Variants in FER1L6 observed in about 807,000 individuals in gnomAD.
FER1L6 encodes the protein fer-1 like family member 6.
A neutral mutation model predicts 219.2 loss-of-function variants in FER1L6; 177 were observed. That is an observed-to-expected ratio of 0.81 (90% CI 0.71 to 0.91). The LOEUF (loss-of-function observed/expected upper bound fraction) is 0.91, where lower values mean the gene tolerates loss of function less well. Ranked by LOEUF, FER1L6 falls within the 40% of genes least tolerant of loss-of-function variation. The pLI is 0.00. For synonymous variants in FER1L6, 768 were observed against 824.3 expected, an observed-to-expected ratio of 0.93 and a Z score of 1.17; for missense variants, 2,153 against 2,259.9, an observed-to-expected ratio of 0.95 and a Z score of 0.96.
intron 13 of FER1L6, among the ~76,000 whole-genome samples, chr8:124,005,182 C>A (rs1481146769): frequency 6.6e-6 from 1 of 152,162 alleles, no homozygotes; most frequent in Non-Finnish European, 1.5e-5. Context: ...GCAACAACAC[C>A]TCCTACCTGG....
chr8:123,852,069 G>A lies in FER1L6; in HGVS notation c.-124G>A, dbSNP rs549954278. 11 of 152,176 alleles carry A rather than the reference G, an allele frequency of 7.2e-5. No homozygotes were observed. The highest frequency in any genetic ancestry group is 2.1e-4 in the South Asian group (1 of 4,830). 9.4% of individuals were successfully genotyped at this position (152,176 alleles called of 1,614,324 possible). On this transcript the variant is annotated 5_prime_UTR_variant, in exon 1 of 41. It adds an upstream start codon to the 5' untranslated region. Coordinates refer to ENST00000522917, the MANE Select transcript of FER1L6 (RefSeq NM_001039112.2). This position sits in a 1 kb window ranked among gnomAD's most constrained non-coding sequence, Gnocchi z 4.9. ...CTGCTTTAGAACGGTTGGGAACACC[G>A]TGAGACCAGTGAATTCCACGAGCAC...
chr8:124,093,880 A>G (rs1822161495), intron 34 of FER1L6, among the ~76,000 whole-genome samples: 2 of 152,188 alleles, frequency 1.3e-5, no homozygotes, highest in South Asian at 2.1e-4. Context: ...CAGGCATGCA[A>G]TGTATAATCA....
At chr8:123,864,141 G>C (rs1469218241) in intron 1 of FER1L6, among the ~76,000 whole-genome samples, 1 of 149,410 alleles carries the variant, frequency 6.7e-6, no homozygotes, top group Non-Finnish European at 1.5e-5. Flanking sequence ...TCCATGTTTA[G>C]CGCTTCCTTC....
At chr8:124,115,920 G>A (rs1823226759) in intron 39 of FER1L6, among the ~76,000 whole-genome samples, 1 of 152,164 alleles carries the variant, frequency 6.6e-6, no homozygotes, top group Non-Finnish European at 1.5e-5. Flanking sequence ...GCCATGCCAT[G>A]CTATGCTATA....
At chr8:123,896,845 G>T (rs764090012) in intron 1 of FER1L6, among the ~76,000 whole-genome samples, 3 of 152,008 alleles carry the variant, frequency 2.0e-5, no homozygotes, top group Non-Finnish European at 2.9e-5. Flanking sequence ...TGAACTTCAG[G>T]CTCATATATC....
chr8:124,023,778 A>T (rs181843706), intron 18 of FER1L6, among the ~76,000 whole-genome samples, 182 bp downstream of exon 18: 2 of 152,164 alleles, frequency 1.3e-5, no homozygotes, highest in Admixed American at 1.3e-4. Flanking sequence ...CTTTAGGTGG[A>T]ATTTTTTCAG....
rs1327114407 is a variant in FER1L6 at position 123,980,516 on chromosome 8, G to A, written c.1115G>A (p.Arg372Lys). ...PAWINLYGSPRNHSLMDDYQE... is the reference protein window; with the variant it reads ...PAWINLYGSPKNHSLMDDYQE... ...TGGATTAACCTGTATGGCTCGCCCA[G>A]GAACCACAGTCTGATGGATGACTAC... Residue 372 changes from arginine to lysine, a missense_variant, in exon 11 of 41, where the codon AGG becomes AAG. Transcript: ENST00000522917. The A allele has an allele frequency of 6.2e-7, 1 of 1,614,002 alleles. No individual in the cohort carries two copies. Among genetic ancestry groups the A allele is most frequent in the Non-Finnish European group, 8.5e-7 (1 of 1,180,012 alleles).
intron 1 of FER1L6, among the ~76,000 whole-genome samples, chr8:123,905,659 T>C (rs1415941677): frequency 6.6e-6 from 1 of 152,208 alleles, no homozygotes; most frequent in Non-Finnish European, 1.5e-5. Context: ...GTACTTCATC[T>C]GTCTAAACCA....
intron 11 of FER1L6, 57 bp from the exon 12 acceptor site, chr8:123,986,011 G>T: frequency 1.0e-6 from 1 of 961,572 alleles, no homozygotes. Flanking sequence ...CACAAAGTCA[G>T]CTTCCTAATG....
intron 20 of FER1L6, among the ~76,000 whole-genome samples, chr8:124,043,166 G>A (rs978091248): frequency 2.0e-5 from 3 of 152,194 alleles, no homozygotes; most frequent in African/African-American, 4.8e-5. Context: ...GGCTGGGATC[G>A]GGTAGGATGG....
chr8:123,907,049 G>C (rs918243455), intron 1 of FER1L6, among the ~76,000 whole-genome samples: 20 of 152,174 alleles, frequency 1.3e-4, no homozygotes, highest in Admixed American at 6.5e-5. Flanking sequence ...GTCTGTCACT[G>C]TTGCATGACA....
intron 1 of FER1L6, among the ~76,000 whole-genome samples, chr8:123,893,925 G>A (rs961071269): frequency 1.3e-5 from 2 of 152,128 alleles, no homozygotes; most frequent in African/African-American, 4.8e-5. Context: ...TTGATTCTTA[G>A]GTGGCCACAT....
intron 1 of FER1L6, among the ~76,000 whole-genome samples, chr8:123,927,897 G>A (rs1159633187): frequency 6.6e-6 from 1 of 152,100 alleles, no homozygotes; most frequent in Non-Finnish European, 1.5e-5. Context: ...TTTATTGTCT[G>A]GCGATTTCTT....
chr8:124,060,332 A>T (rs542221560), intron 23 of FER1L6, 42 bp downstream of exon 23: 4 of 1,583,512 alleles, frequency 2.5e-6, no homozygotes, highest in Non-Finnish European at 3.5e-6. Flanking sequence ...TTGGCACTCA[A>T]GGGCAGTGGC....
At chr8:123,865,615 G>A (rs1816822368) in intron 1 of FER1L6, among the ~76,000 whole-genome samples, 1 of 151,426 alleles carries the variant, frequency 6.6e-6, no homozygotes, top group East Asian at 1.9e-4. Context: ...TCAGACCGCT[G>A]TGCTAGCAAT....
intron 12 of FER1L6, among the ~76,000 whole-genome samples, chr8:123,994,524 C>A (rs1053985107): frequency 1.5e-4 from 23 of 152,202 alleles, no homozygotes; most frequent in Admixed American, 4.6e-4. Context: ...CGGTATTCCA[C>A]CAGCAGCAGC....
intron 1 of FER1L6, among the ~76,000 whole-genome samples, chr8:123,865,566 G>A (rs983167297): frequency 1.3e-5 from 2 of 151,396 alleles, no homozygotes; most frequent in Admixed American, 1.3e-4. Flanking sequence ...AATGGCGGGC[G>A]CCCCTCCCCC....
intron 2 of FER1L6, among the ~76,000 whole-genome samples, chr8:123,961,020 G>T (rs1563709360): frequency 6.6e-6 from 1 of 152,088 alleles, no homozygotes; most frequent in Non-Finnish European, 1.5e-5. Flanking sequence ...AGGCTAAGGT[G>T]GGAGATTTGC....
chr8:124,099,046 C>G (rs1285805868), intron 37 of FER1L6, among the ~76,000 whole-genome samples: 1 of 152,174 alleles, frequency 6.6e-6, no homozygotes, highest in Non-Finnish European at 1.5e-5. Context: ...ACACATGTAT[C>G]TGTTTTTTCT....
Sources: allele counts gnomAD v4.1 joint callset (sites outside exome capture counted in the v4.1 genomes callset), GRCh38; gene constraint gnomAD v4.1.1; non-coding constraint Gnocchi (gnomAD v3.1); transcripts MANE v1.5; gene names NCBI Gene and HGNC (gene_info 2026-07-23, HGNC 2026-07-21).